KCNIP1: variants seen among roughly 807,000 people sequenced by gnomAD.
The protein encoded by KCNIP1 is A-type potassium channel modulatory protein KCNIP1.
Under a neutral mutation model 33.0 loss-of-function variants are expected in KCNIP1, and 18 were observed. The observed-to-expected ratio is 0.55, with a 90% CI of 0.38 to 0.81. KCNIP1 has a LOEUF of 0.81. KCNIP1 is among the 30% of genes least tolerant of loss of function. The pLI, the probability that KCNIP1 is intolerant of heterozygous loss-of-function variation, is 0.00. For missense variants in KCNIP1, 238 were observed against 271.6 expected, an observed-to-expected ratio of 0.88 and a Z score of 0.87; for synonymous variants, 93 against 98.3, an observed-to-expected ratio of 0.95 and a Z score of 0.32.
At chr5:170,597,446 G>A (rs77499207) in intron 1 of KCNIP1, among the ~76,000 whole-genome samples, 5 of 151,994 alleles carry the variant, frequency 3.3e-5, no homozygotes, top group South Asian at 2.1e-4. Flanking sequence ...GCAAAGAGGC[G>A]TCTCCCTCCA....
chr5:170,567,235 A>G (rs1476286785), intron 1 of KCNIP1, among the ~76,000 whole-genome samples: 3 of 152,226 alleles, frequency 2.0e-5, no homozygotes, highest in African/African-American at 7.2e-5. Context: ...GTGAGCAGGG[A>G]GACCAGGGGT....
At chr5:170,543,595 CAATA>C (rs1756296551) in intron 1 of KCNIP1, among the ~76,000 whole-genome samples, 1 of 152,140 alleles carries the variant, frequency 6.6e-6, no homozygotes, top group Admixed American at 6.5e-5. Flanking sequence ...TTTCACAGCA[CAATA>C]AATAAAGAGG....
chr5:170,535,343 G>A (rs1264018810), intron 1 of KCNIP1, among the ~76,000 whole-genome samples: 1 of 152,184 alleles, frequency 6.6e-6, no homozygotes, highest in Non-Finnish European at 1.5e-5. Context: ...GAAGACTTGA[G>A]CCTTCTTTAA....
intron 1 of KCNIP1, among the ~76,000 whole-genome samples, chr5:170,411,734 A>C (rs1040073336): frequency 6.6e-6 from 1 of 152,224 alleles, no homozygotes; most frequent in Non-Finnish European, 1.5e-5. Context: ...TATAAGATGT[A>C]GTCTCTGCCC....
chr5:170,606,652 G>A (rs553735068), intron 1 of KCNIP1, among the ~76,000 whole-genome samples: 26 of 152,258 alleles, frequency 1.7e-4, no homozygotes, highest in East Asian at 3.9e-4. Flanking sequence ...GGGGCAGGCC[G>A]TGAGACCTGT....
Position 170,504,646 on chromosome 5 carries a change from C to T in KCNIP1, c.61+13C>T. On this transcript the variant is annotated intron_variant, in intron 1 of 7. Coordinates refer to ENST00000328939, the MANE Select transcript of KCNIP1 (RefSeq NM_014592.4). The surrounding 1 kb of genome is among the most constrained non-coding windows in gnomAD (Gnocchi z 6.0). Reference sequence around the variant, plus strand: ...CGACCCTCGAAAGGTAAGCCACCTTCTTCCTTTTGTTCCCCTGTCTGGGCT... The same window carrying T: ...CGACCCTCGAAAGGTAAGCCACCTTTTTCCTTTTGTTCCCCTGTCTGGGCT... The T allele has an allele frequency of 6.2e-7, 1 of 1,609,378 alleles. No homozygotes were observed. The highest frequency in any genetic ancestry group is 1.1e-5 in the South Asian group (1 of 90,982).
At chr5:170,482,167 A>C (rs1756991591) in intron 1 of KCNIP1, among the ~76,000 whole-genome samples, 1 of 152,118 alleles carries the variant, frequency 6.6e-6, no homozygotes, top group Non-Finnish European at 1.5e-5. Flanking sequence ...AATATTTTCC[A>C]ACCAGCTGAT....
intron 1 of KCNIP1, among the ~76,000 whole-genome samples, chr5:170,695,684 A>AT (rs1406359443): frequency 6.6e-6 from 1 of 152,194 alleles, no homozygotes; most frequent in Non-Finnish European, 1.5e-5. Flanking sequence ...TGCTTTAAAG[A>AT]TAAGAGCCCA....
chr5:170,446,541 C>A (rs1756121394), intron 1 of KCNIP1, among the ~76,000 whole-genome samples: 1 of 152,174 alleles, frequency 6.6e-6, no homozygotes, highest in Admixed American at 6.5e-5. Flanking sequence ...TAGCTCACTG[C>A]AGCCTTGAAC....
chr5:170,736,213 C>T lies in KCNIP1; in HGVS notation c.*407C>T, dbSNP rs1764382824. On this transcript the variant is annotated 3_prime_UTR_variant, in exon 8 of 8. Transcript: ENST00000328939. ...AGCAAGAGGACCTGAGCCAGATGCA[C>T]ACCATCTCTGATGGCCTCCCAAACC... 5.4e-6 allele frequency: 1 copy of T among 185,604 alleles called. No individual in the cohort carries two copies. The highest frequency in any genetic ancestry group is 5.6e-5 in the Admixed American group (1 of 17,790). 11.5% of individuals were successfully genotyped at this position (185,604 alleles called of 1,614,324 possible).
At chr5:170,611,557 C>T (rs1207992212) in intron 1 of KCNIP1, among the ~76,000 whole-genome samples, 1 of 152,206 alleles carries the variant, frequency 6.6e-6, no homozygotes, top group Non-Finnish European at 1.5e-5. Context: ...CACTCAGGGT[C>T]GAAGACACAG....
intron 1 of KCNIP1, among the ~76,000 whole-genome samples, chr5:170,408,933 G>T (rs1054351703): frequency 1.3e-5 from 2 of 152,160 alleles, no homozygotes; most frequent in African/African-American, 4.8e-5. Flanking sequence ...GGAACACCTG[G>T]TCTCTAAAGG....
chr5:170,597,784 AATATATATAT>A lies in KCNIP1; in HGVS notation c.61+93188_61+93197del, dbSNP rs10525595. Among the ~76,000 whole-genome samples the A allele has an allele frequency of 8.1e-4, 109 of 134,458 alleles. 1 individual carries two copies. The highest frequency in any genetic ancestry group is 1.0e-3 in the African/African-American group (34 of 32,644). 88.2% of individuals were successfully genotyped at this position (134,458 alleles called of 152,430 possible). A position where few individuals can be genotyped will look rare whatever the true frequency, so the allele number is the denominator to read the frequency against. The stretch of plus-strand genomic sequence containing the variant: ...ACTTCTGATGCTGGAGAGAGAGATA[AATATATATAT>A]ATATATATATATATATATATATATA... On this transcript the variant is annotated intron_variant, in intron 1 of 7. Transcript: ENST00000328939.
chr5:170,537,902 A>G (rs1158620492), intron 1 of KCNIP1, among the ~76,000 whole-genome samples: 44 of 152,186 alleles, frequency 2.9e-4, no homozygotes, highest in Admixed American at 2.9e-3. Flanking sequence ...TGAGGGTGCC[A>G]TTGTGTCCAG....
At chr5:170,362,154 G>T (rs987056484) in intron 1 of KCNIP1, among the ~76,000 whole-genome samples, 2 of 152,130 alleles carry the variant, frequency 1.3e-5, no homozygotes, top group African/African-American at 2.4e-5. Context: ...GAGGTGGAGT[G>T]CTCTAATTAA....
chr5:170,731,980 C>A (rs949727907), intron 5 of KCNIP1, among the ~76,000 whole-genome samples: 7 of 151,576 alleles, frequency 4.6e-5, no homozygotes, highest in African/African-American at 1.7e-4. Flanking sequence ...TGGGTTTGGT[C>A]ATTGTGCTCT....
intron 1 of KCNIP1, among the ~76,000 whole-genome samples, chr5:170,654,627 T>C (rs1412075841): frequency 6.6e-6 from 1 of 152,230 alleles, no homozygotes; most frequent in African/African-American, 2.4e-5. Context: ...CTGTTTCCCA[T>C]GCAGATATTA....
rs555359163 is a variant in KCNIP1, at chr5:170,404,613, G to A, written c.88+50649G>A. Reference sequence around the variant, plus strand: ...CAGGCTAGACGAGCCTGTTCTCATGGTGACAAGATGCAGAAGCAGTAGGGA... The same window carrying A: ...CAGGCTAGACGAGCCTGTTCTCATGATGACAAGATGCAGAAGCAGTAGGGA... On this transcript the variant is annotated intron_variant, in intron 1 of 7. Coordinates refer to the KCNIP1 transcript ENST00000377360. Among the ~76,000 whole-genome samples the A allele has an allele frequency of 1.3e-4, 20 of 152,312 alleles. No individual in the cohort carries two copies. The East Asian group carries it at 3.9e-3, about 29-fold the overall frequency.
chr5:170,603,286 A>T (rs993765891), intron 1 of KCNIP1, among the ~76,000 whole-genome samples: 3 of 152,198 alleles, frequency 2.0e-5, no homozygotes, highest in African/African-American at 7.2e-5. Flanking sequence ...AATTGCTGCA[A>T]AGAGGAACCT....
Sources: gnomAD v4.1 joint callset for allele counts (sites outside exome capture counted in the v4.1 genomes callset) on GRCh38, gnomAD v4.1.1 for gene constraint, Gnocchi (gnomAD v3.1) non-coding constraint, MANE v1.5 for transcripts, NCBI Gene and HGNC (gene_info 2026-07-23, HGNC 2026-07-21) for gene names.